SLC30A7: variants seen among roughly 807,000 people sequenced by gnomAD.
SLC30A7 encodes the protein solute carrier family 30 member 7.
In SLC30A7, 35 loss-of-function variants were observed where a neutral mutation model predicts 46.0. That is an observed-to-expected ratio of 0.76 (90% CI 0.58 to 1.01). The LOEUF is 1.01. Among genes scored for constraint, SLC30A7 ranks in the 50% least tolerant of loss-of-function variants. The pLI, the probability that SLC30A7 is intolerant of heterozygous loss-of-function variation, is 0.00. For missense variants in SLC30A7, 464 were observed against 451.1 expected, an observed-to-expected ratio of 1.03 and a Z score of -0.26; for synonymous variants, 147 against 157.8, an observed-to-expected ratio of 0.93 and a Z score of 0.51.
chr1:100,961,756 T>C, intron 8 of SLC30A7, 72 bp from the exon 9 acceptor site: 1 of 790,828 alleles, frequency 1.3e-6, no homozygotes, highest in South Asian at 1.8e-5. Context: ...TAGGGAGGCA[T>C]ATTATTACTT....
At chr1:100,971,636 A>G (rs1174998031) in intron 10 of SLC30A7, among the ~76,000 whole-genome samples, 8 of 152,180 alleles carry the variant, frequency 5.3e-5, no homozygotes, top group Admixed American at 5.2e-4. Context: ...TCAGTACCTA[A>G]CATATTAAAT....
At chr1:100,945,704 T>C (rs1654594371) in intron 8 of SLC30A7, among the ~76,000 whole-genome samples, 1 of 152,230 alleles carries the variant, frequency 6.6e-6, no homozygotes, top group Admixed American at 6.5e-5. Context: ...ATAGTATAGT[T>C]TGAAGTCAGG....
rs1490940276 is a variant in SLC30A7, at chr1:100,923,004, A to ATGTT, written c.842+1164_842+1165insGTTT. Among the ~76,000 whole-genome samples, 10 of 49,136 alleles carry ATGTT rather than the reference A, an allele frequency of 2.0e-4. 1 individual carries two copies. The highest frequency in any genetic ancestry group is 9.2e-4 in the African/African-American group (10 of 10,850). 32.2% of individuals were successfully genotyped at this position (49,136 alleles called of 152,430 possible). A position where few individuals can be genotyped will look rare whatever the true frequency, so the allele number is the denominator to read the frequency against. On this transcript the variant is annotated intron_variant, in intron 8 of 10. Coordinates refer to ENST00000357650, the MANE Select transcript of SLC30A7 (RefSeq NM_133496.5). ...TATAGCTTGTAGTTTGTTAGAATAG[A>ATGTT]TTTTTTTTTTTTTTTTTTTTTTTTT... is the stretch of plus-strand genomic sequence containing the variant.
chr1:100,906,717 T>C (rs1357851725), intron 2 of SLC30A7, 135 bp from the exon 3 acceptor site: 2 of 597,714 alleles, frequency 3.3e-6, no homozygotes, highest in African/African-American at 3.7e-5. Flanking sequence ...CTCAAAGCTA[T>C]CTATATAGCA....
intron 8 of SLC30A7, among the ~76,000 whole-genome samples, chr1:100,959,362 ATT>A (rs1655414249): frequency 6.6e-6 from 1 of 152,178 alleles, no homozygotes; most frequent in Non-Finnish European, 1.5e-5. Context: ...AATAATACAC[ATT>A]ATTATCTTAT....
At chr1:100,952,412 T>C (rs745680849) in intron 8 of SLC30A7, among the ~76,000 whole-genome samples, 1 of 152,204 alleles carries the variant, frequency 6.6e-6, no homozygotes, top group Non-Finnish European at 1.5e-5. Flanking sequence ...ATATAAAGTC[T>C]TGAACAGCGC....
intron 8 of SLC30A7, among the ~76,000 whole-genome samples, chr1:100,929,091 A>T (rs1159133191): frequency 7.4e-6 from 1 of 135,604 alleles, no homozygotes; most frequent in Non-Finnish European, 1.6e-5. Context: ...CTATATATAG[A>T]GAGTGTGTGT....
At chr1:100,920,484 T>C (rs1652868150) in intron 7 of SLC30A7, among the ~76,000 whole-genome samples, 1 of 152,052 alleles carries the variant, frequency 6.6e-6, no homozygotes, top group Non-Finnish European at 1.5e-5. Flanking sequence ...AGGACTGTTC[T>C]TTTTGAAGAA....
chr1:100,912,795 T>C (rs1265916764), intron 5 of SLC30A7, among the ~76,000 whole-genome samples: 1 of 151,744 alleles, frequency 6.6e-6, no homozygotes, highest in African/African-American at 2.4e-5. Flanking sequence ...GGAGAGTCGC[T>C]TGAGCCCGGG....
intron 8 of SLC30A7, among the ~76,000 whole-genome samples, chr1:100,924,672 A>C (rs1423591011): frequency 6.7e-6 from 1 of 149,784 alleles, no homozygotes; most frequent in East Asian, 1.9e-4. Flanking sequence ...CTGGCCAAAA[A>C]AAAAAAAGAA....
rs71084855 is a variant in SLC30A7 at position 100,923,004 on chromosome 1, ATTTTTTTTTTTTTT to A, written c.842+1181_842+1194del. The stretch of plus-strand genomic sequence containing the variant: ...TATAGCTTGTAGTTTGTTAGAATAG[ATTTTTTTTTTTTTT>A]TTTTTTTTTTTTTTTTTGAGACGGA... On this transcript the variant is annotated intron_variant, in intron 8 of 10. Coordinates refer to ENST00000357650, the MANE Select transcript of SLC30A7 (RefSeq NM_133496.5). Among the ~76,000 whole-genome samples the A allele has an allele frequency of 3.1e-4, 15 of 49,138 alleles. 1 individual carries two copies. The highest frequency in any genetic ancestry group is 2.2e-3 in the South Asian group (2 of 906). The allele number at this position is 49,138 out of a possible 152,430, so 32.2% of individuals were successfully genotyped here.
At chr1:100,982,802 TC>T (rs1657019342), downstream of SLC30A7, among the ~76,000 whole-genome samples, 1 of 152,180 alleles carries the variant, frequency 6.6e-6, no homozygotes, top group East Asian at 1.9e-4. Flanking sequence ...TGTCCTGGCT[TC>T]CTGAATGCCG....
chr1:100,896,399 G>A, intron 1 of SLC30A7, 57 bp downstream of exon 1: 1 of 1,586,338 alleles, frequency 6.3e-7, no homozygotes, highest in Non-Finnish European at 8.7e-7. Flanking sequence ...AGAAGGCCCA[G>A]ACCTCAGGAT....
chr1:100,928,870 C>T (rs1251951940), intron 8 of SLC30A7, among the ~76,000 whole-genome samples: 1 of 152,070 alleles, frequency 6.6e-6, no homozygotes, highest in African/African-American at 2.4e-5. Flanking sequence ...GCTTGGTCAG[C>T]ATCAGAGAGC....
intron 7 of SLC30A7, among the ~76,000 whole-genome samples, chr1:100,920,859 C>T (rs1350349481): frequency 6.6e-6 from 1 of 151,386 alleles, no homozygotes; most frequent in African/African-American, 2.4e-5. Flanking sequence ...CTATTTTTAG[C>T]AAGACATGAT....
intron 8 of SLC30A7, among the ~76,000 whole-genome samples, chr1:100,932,897 C>T (rs1055093872): frequency 2.6e-5 from 4 of 152,064 alleles, no homozygotes; most frequent in African/African-American, 9.7e-5. Context: ...TTAAAGAGCT[C>T]TGTCATCTGC....
intron 8 of SLC30A7, among the ~76,000 whole-genome samples, chr1:100,954,037 C>T (rs917640114): frequency 6.6e-6 from 1 of 152,144 alleles, no homozygotes. Flanking sequence ...TTGAAAGTCA[C>T]GTCAAACAAG....
chr1:100,936,479 C>G (rs1653972609), intron 8 of SLC30A7, among the ~76,000 whole-genome samples: 1 of 152,142 alleles, frequency 6.6e-6, no homozygotes, highest in Admixed American at 6.5e-5. Flanking sequence ...ATTGTTTGCA[C>G]TTTTTAGAGC....
chr1:100,904,142 G>T (rs1039911993), intron 2 of SLC30A7, among the ~76,000 whole-genome samples: 1 of 152,106 alleles, frequency 6.6e-6, no homozygotes, highest in African/African-American at 2.4e-5. Flanking sequence ...TAACTTACTG[G>T]TCACGGAACT....
Sources: gnomAD v4.1 joint callset for allele counts (sites outside exome capture counted in the v4.1 genomes callset) on GRCh38, gnomAD v4.1.1 for gene constraint, MANE v1.5 for transcripts, NCBI Gene and HGNC (gene_info 2026-07-23, HGNC 2026-07-21) for gene names.